The following TCF4 variants were observed in gnomAD, a reference collection of about 807,000 sequenced individuals.
TCF4 encodes SL3-3 enhancer factor 2.
Under a neutral mutation model 82.1 loss-of-function variants are expected in TCF4, and 3 were observed. The observed-to-expected ratio is 0.04, with a 90% confidence interval of 0.02 to 0.09. TCF4 has a LOEUF of 0.09. Among genes scored for constraint, TCF4 ranks in the 10% least tolerant of loss-of-function variants. TCF4 has a pLI of 1.00. For missense variants in TCF4, 518 were observed against 852.7 expected (o/e 0.61, Z 4.89); for synonymous variants, 276 against 309.6 (o/e 0.89, Z 1.14).
At chr18:55,452,868 C>A (rs529728316) in intron 5 of TCF4, among the ~76,000 whole-genome samples, 2 of 152,286 alleles carry the variant, frequency 1.3e-5, no homozygotes, top group South Asian at 4.1e-4. Context: ...TTTACAGTAT[C>A]TTTTTTCCTA....
At chr18:55,283,233 A>C (rs2062981343) in intron 8 of TCF4, among the ~76,000 whole-genome samples, 1 of 151,574 alleles carries the variant, frequency 6.6e-6, no homozygotes, top group Admixed American at 6.6e-5. Flanking sequence ...ACTATGGTAC[A>C]TTAGCTGTTC....
intron 5 of TCF4, among the ~76,000 whole-genome samples, chr18:55,449,190 T>C (rs1256856955): frequency 5.9e-5 from 9 of 152,054 alleles, no homozygotes; most frequent in African/African-American, 2.2e-4. Flanking sequence ...TCGTAAACTA[T>C]TGTGTACCAG....
At chr18:55,346,344 T>C (rs1183533381) in intron 8 of TCF4, among the ~76,000 whole-genome samples, 1 of 152,182 alleles carries the variant, frequency 6.6e-6, no homozygotes, top group Non-Finnish European at 1.5e-5. Flanking sequence ...AACCTTATTT[T>C]AGAATCTTTA....
intron 2 of TCF4, among the ~76,000 whole-genome samples, chr18:55,619,942 G>T (rs535742082): frequency 1.1e-4 from 16 of 152,268 alleles, no homozygotes; most frequent in Admixed American, 2.6e-4. Flanking sequence ...ACCTTGAATT[G>T]TAATCCCCAT....
chr18:55,244,805 A>G (rs2052526132), intron 15 of TCF4, among the ~76,000 whole-genome samples: 1 of 152,234 alleles, frequency 6.6e-6, no homozygotes, highest in Non-Finnish European at 1.5e-5. Flanking sequence ...AGAGACTACC[A>G]TTCTCCAATA....
At chr18:55,447,010 GA>G (rs1171500760) in intron 5 of TCF4, among the ~76,000 whole-genome samples, 3 of 147,562 alleles carry the variant, frequency 2.0e-5, no homozygotes, top group Non-Finnish European at 4.5e-5. Flanking sequence ...AGGAAAAAAA[GA>G]AAAAAAAATC....
chr18:55,400,342 A>T (rs2093744771), intron 6 of TCF4, among the ~76,000 whole-genome samples: 1 of 152,196 alleles, frequency 6.6e-6, no homozygotes, highest in East Asian at 1.9e-4. Flanking sequence ...TGGCAAGAAC[A>T]TGTTAAGCTG....
At chr18:55,436,115 CAT>C (rs2095324280) in intron 5 of TCF4, among the ~76,000 whole-genome samples, 1 of 152,164 alleles carries the variant, frequency 6.6e-6, no homozygotes, top group Admixed American at 6.5e-5. Context: ...TTACAAACAA[CAT>C]AACTTAAAAT....
intron 18 of TCF4, 140 bp downstream of exon 18, chr18:55,228,707 C>T: frequency 1.1e-6 from 1 of 906,532 alleles, no homozygotes; most frequent in Non-Finnish European, 1.7e-6. Flanking sequence ...GATTTAGACA[C>T]AGTCTGCAAT....
chr18:55,428,894 G>C (rs182052512), intron 5 of TCF4, among the ~76,000 whole-genome samples: 4 of 152,204 alleles, frequency 2.6e-5, no homozygotes, highest in Admixed American at 2.6e-4. Context: ...TTGGTGAACT[G>C]ATGAGAGGTC....
chr18:55,486,263 G>C lies in TCF4; in HGVS notation c.146-22126C>G, dbSNP rs78805214. On this transcript the variant is annotated intron_variant, in intron 3 of 19. Coordinates refer to ENST00000354452, the MANE Select transcript of TCF4 (RefSeq NM_001083962.2). ...CTGAAATAGTTTTTGAAAAGGAGAC[G>C]GAAGTTTCCTTGAAGCAGGACTCTT... 1.2e-3 allele frequency among the ~76,000 whole-genome samples: 178 copies of C among 152,274 alleles called. 1 individual carries two copies. Among genetic ancestry groups the C allele is most frequent in the African/African-American group, 4.1e-3 (172 of 41,568 alleles).
chr18:55,327,856 T>C (rs963256452), intron 8 of TCF4, among the ~76,000 whole-genome samples: 9 of 152,160 alleles, frequency 5.9e-5, no homozygotes, highest in African/African-American at 1.9e-4. Flanking sequence ...GCAAAATAGA[T>C]GCAAAAACCA....
intron 3 of TCF4, among the ~76,000 whole-genome samples, chr18:55,532,917 G>A (rs2097079902): frequency 6.6e-6 from 1 of 152,048 alleles, no homozygotes; most frequent in Non-Finnish European, 1.5e-5. Context: ...AGACACAATA[G>A]CTGCCTTCTT....
chr18:55,280,378 C>T (rs2062339209), intron 8 of TCF4, among the ~76,000 whole-genome samples: 2 of 152,114 alleles, frequency 1.3e-5, no homozygotes, highest in Admixed American at 1.3e-4. Context: ...CATTCATTTA[C>T]TAATACTCAT....
intron 6 of TCF4, among the ~76,000 whole-genome samples, chr18:55,365,191 A>ATATATATATATATATGTGTGTGTGTG (rs1361444592): frequency 1.0e-5 from 1 of 97,954 alleles, no homozygotes; most frequent in African/African-American, 5.0e-5. Context: ...ATATATATAT[A>ATATATATATATATATGTGTGTGTGTG]TGTGTGTGTG....
At chr18:55,281,897 T>C (rs1371954914) in intron 8 of TCF4, among the ~76,000 whole-genome samples, 1 of 151,978 alleles carries the variant, frequency 6.6e-6, no homozygotes, top group Non-Finnish European at 1.5e-5. Context: ...GAGAAGAGTA[T>C]CTATGGAATT....
chr18:55,487,807 A>T (rs2145733134), intron 3 of TCF4, among the ~76,000 whole-genome samples: 1 of 152,226 alleles, frequency 6.6e-6, no homozygotes, highest in South Asian at 2.1e-4. Flanking sequence ...TGTAAAACAG[A>T]TTTGAAATGG....
Position 55,620,052 on chromosome 18 carries a change from A to C in TCF4, c.286+11246T>G, listed in dbSNP as rs549854015. On this transcript the variant is annotated intron_variant, in intron 2 of 20. Coordinates refer to the TCF4 transcript ENST00000398339. ...GTGACAGTGAGTGAGTTCTCATGAGATCTAATCATTTTATAAATGTTTGGT... is the reference window on the plus strand; with the variant it reads ...GTGACAGTGAGTGAGTTCTCATGAGCTCTAATCATTTTATAAATGTTTGGT... 9.9e-5 allele frequency among the ~76,000 whole-genome samples: 15 copies of C among 152,214 alleles called. No homozygotes were observed. The South Asian group carries it at 2.3e-3, about 23-fold the overall frequency.
chr18:55,440,529 C>T (rs942140782), intron 5 of TCF4, among the ~76,000 whole-genome samples: 2 of 152,160 alleles, frequency 1.3e-5, no homozygotes, highest in African/African-American at 4.8e-5. Context: ...TATTTTTTAG[C>T]AGTGTCTCCA....
Sources: allele counts gnomAD v4.1 joint callset (sites outside exome capture counted in the v4.1 genomes callset), GRCh38; gene constraint gnomAD v4.1.1; transcripts MANE v1.5; gene names NCBI Gene and HGNC (gene_info 2026-07-23, HGNC 2026-07-21).